The following CSF2RA variants were observed in gnomAD, a reference collection of about 807,000 sequenced individuals.
CSF2RA encodes the protein granulocyte-macrophage colony-stimulating factor receptor subunit alpha.
A neutral mutation model predicts 51.6 loss-of-function variants in CSF2RA; 42 were observed. The ratio of observed to expected loss-of-function variants is 0.81; its 90% confidence interval spans 0.64 to 1.05. CSF2RA has a LOEUF of 1.05. Ranked by LOEUF, CSF2RA falls within the 50% of genes least tolerant of loss-of-function variation. The pLI, the probability that CSF2RA is intolerant of heterozygous loss-of-function variation, is 0.00. For missense variants in CSF2RA, 530 were observed against 501.1 expected, an observed-to-expected ratio of 1.06 and a Z score of -0.55; for synonymous variants, 222 against 193.0, an observed-to-expected ratio of 1.15 and a Z score of -1.24.
At chrX:1,288,678 T>G in intron 5 of CSF2RA, 36 bp downstream of exon 5, 1 of 1,613,948 alleles carries the variant, frequency 6.2e-7, no homozygotes, top group Non-Finnish European at 8.5e-7. Context: ...TTTACAGCAC[T>G]GGCCCCACCA....
chrX:1,311,256 A>T (rs2084169693), downstream of CSF2RA, among the ~76,000 whole-genome samples: 1 of 151,346 alleles, frequency 6.6e-6, no homozygotes, highest in African/African-American at 2.4e-5. Context: ...CTCCAAAAAA[A>T]AAAAAGGTAA....
At chrX:1,279,992 A>G (rs1241013706) in intron 2 of CSF2RA, among the ~76,000 whole-genome samples, 3 of 151,818 alleles carry the variant, frequency 2.0e-5, no homozygotes, top group Middle Eastern at 3.4e-3. Context: ...GTTTCACCGT[A>G]TTAGCCAAGC....
the CSF2RA span, among the ~76,000 whole-genome samples, chrX:1,315,658 G>C: frequency 6.6e-6 from 1 of 152,092 alleles, no homozygotes; most frequent in Non-Finnish European, 1.5e-5. Flanking sequence ...GCCCGCCTCA[G>C]CCTCCCAAAA....
At chrX:1,284,176 G>T (rs1206831391) in intron 3 of CSF2RA, among the ~76,000 whole-genome samples, 1 of 143,542 alleles carries the variant, frequency 7.0e-6, no homozygotes, top group Non-Finnish European at 1.5e-5. Flanking sequence ...CATTCAAGCG[G>T]TTTTCTTTCT....
chrX:1,279,221 C>A (rs771889276), intron 2 of CSF2RA, among the ~76,000 whole-genome samples: 1 of 150,178 alleles, frequency 6.7e-6, no homozygotes, highest in Non-Finnish European at 1.5e-5. Context: ...CGTGTTGGTG[C>A]GTGCCTGTAG....
At chrX:1,286,337 G>A (rs2090651733) in intron 4 of CSF2RA, among the ~76,000 whole-genome samples, 1 of 151,704 alleles carries the variant, frequency 6.6e-6, no homozygotes, top group South Asian at 2.1e-4. Flanking sequence ...GGGAGGCCGA[G>A]GCAGGTGGAT....
chrX:1,285,072 A>G (rs187203613), intron 3 of CSF2RA, among the ~76,000 whole-genome samples: 3 of 151,432 alleles, frequency 2.0e-5, no homozygotes, highest in African/African-American at 7.3e-5. Context: ...TTAAAAAAAA[A>G]TTTTTTTTAA....
At chrX:1,312,728 G>A (rs1279187354), downstream of CSF2RA, among the ~76,000 whole-genome samples, 4 of 152,146 alleles carry the variant, frequency 2.6e-5, no homozygotes, top group Admixed American at 2.0e-4. Context: ...AGCTTGGGAT[G>A]GATCTGACGG....
chrX:1,294,386 A>G lies in CSF2RA; in HGVS notation c.705A>G (p.Val235=). 1 of 1,613,948 alleles carries G rather than the reference A, an allele frequency of 6.2e-7. No homozygotes were observed. ...GTTGCAACACGACGCACTGCCTCGT[A>G]CGGTGGAAACAGCCCAGGACCTATC... The part of the protein sequence containing the change: ...TVRCNTTHCL[V]RWKQPRTYQK... The change falls in exon 8 of 13, where the codon GTA becomes GTG. Residue 235 remains valine, a synonymous_variant. Coordinates refer to ENST00000381529, the MANE Select transcript of CSF2RA (RefSeq NM_172245.4).
rs201508841 is a variant in CSF2RA, at chrX:1,294,315, G to T, written c.647-13G>T. On this transcript the variant is annotated splice_polypyrimidine_tract_variant and intron_variant, in intron 7 of 12. Transcript: ENST00000381529. The stretch of plus-strand genomic sequence containing the variant: ...TCTCGGGTTCAGGGGTGTGTCCTGC[G>T]CCCTCGTTACAGAACGATTCAACCC... The T allele has an allele frequency of 2.5e-6, 4 of 1,612,616 alleles. No individual in the cohort carries two copies. The African/African-American group carries it at 5.3e-5, about 22-fold the overall frequency.
Position 1,303,940 on chromosome X carries a change from C to G in CSF2RA, c.964C>G (p.Leu322Val), listed in dbSNP as rs753448122. 2 of 1,613,582 alleles carry G rather than the reference C, an allele frequency of 1.2e-6. No individual in the cohort carries two copies. Among genetic ancestry groups the G allele is most frequent in the Non-Finnish European group, 8.5e-7 (1 of 1,179,768 alleles). ...AIEFGSDDGN[L>V]GSVYIYVLLI... ...CTCTCCAGGTTCTGACGACGGGAACCTCGGCTCTGTGTACATTTATGTGCT... is the reference window on the plus strand; with the variant it reads ...CTCTCCAGGTTCTGACGACGGGAACGTCGGCTCTGTGTACATTTATGTGCT... Residue 322 changes from leucine to valine, a missense_variant, in exon 11 of 13, where the codon CTC becomes GTC. Leu to Val is a conservative substitution (Grantham distance 32). Transcript: ENST00000381529.
At chrX:1,301,684 C>T (rs2082951443) in intron 10 of CSF2RA, among the ~76,000 whole-genome samples, 1 of 149,712 alleles carries the variant, frequency 6.7e-6, no homozygotes, top group South Asian at 2.1e-4. Context: ...GCAAGCTCCA[C>T]CTCCTGGGTT....
intron 4 of CSF2RA, among the ~76,000 whole-genome samples, chrX:1,286,454 A>C (rs1238275538): frequency 7.6e-6 from 1 of 131,908 alleles, no homozygotes; most frequent in Non-Finnish European, 1.7e-5. Flanking sequence ...CTGTAATCCC[A>C]GCTACTCGGG....
chrX:1,280,989 C>T (rs1198742691), intron 2 of CSF2RA, among the ~76,000 whole-genome samples: 1 of 128,048 alleles, frequency 7.8e-6, no homozygotes. Flanking sequence ...TCTCCTCCTC[C>T]TCCTTCTCCT....
chrX:1,290,816 G>C (rs1325793273), intron 7 of CSF2RA, among the ~76,000 whole-genome samples: 1 of 152,086 alleles, frequency 6.6e-6, no homozygotes, highest in African/African-American at 2.4e-5. Context: ...AGGTGAGATT[G>C]TGCCACTGCA....
At chrX:1,301,686 T>G (rs181742866) in intron 10 of CSF2RA, among the ~76,000 whole-genome samples, 4,297 of 140,068 alleles carry the variant, frequency 0.031, 108 homozygotes, top group African/African-American at 0.071. Context: ...AAGCTCCACC[T>G]CCTGGGTTCA....
At chrX:1,271,630 C>T (rs1371766978) in intron 1 of CSF2RA, among the ~76,000 whole-genome samples, 2 of 152,076 alleles carry the variant, frequency 1.3e-5, no homozygotes, top group Non-Finnish European at 2.9e-5. Flanking sequence ...GATTCTCCTG[C>T]CTCAGCCTCC....
intron 12 of CSF2RA, among the ~76,000 whole-genome samples, chrX:1,308,424 C>T (rs1569513238): frequency 2.6e-5 from 4 of 151,904 alleles, no homozygotes; most frequent in South Asian, 4.2e-4. Context: ...GCAGAGAGAC[C>T]GAGAGAGAGG....
intron 9 of CSF2RA, among the ~76,000 whole-genome samples, chrX:1,298,550 C>T (rs2092137754): frequency 1.8e-5 from 2 of 112,314 alleles, no homozygotes; most frequent in South Asian, 6.8e-4. Flanking sequence ...CTACTCACAA[C>T]CCCCGGTGGA....
Sources: gnomAD v4.1 joint callset for allele counts (sites outside exome capture counted in the v4.1 genomes callset) on GRCh38, gnomAD v4.1.1 for gene constraint, MANE v1.5 for transcripts, NCBI Gene and HGNC (gene_info 2026-07-23, HGNC 2026-07-21) for gene names.